FRMD4A: variants seen among roughly 807,000 people sequenced by gnomAD.
FRMD4A encodes the protein FERM domain-containing protein 4A.
Under a neutral mutation model 129.1 loss-of-function variants are expected in FRMD4A, and 29 were observed. The ratio of observed to expected loss-of-function variants is 0.22; its 90% CI spans 0.17 to 0.31. The LOEUF (loss-of-function observed/expected upper bound fraction) is 0.31, where lower values mean the gene tolerates loss of function less well. Among genes scored for constraint, FRMD4A ranks in the 10% least tolerant of loss-of-function variants. The pLI, the probability that FRMD4A is intolerant of heterozygous loss-of-function variation, is 1.00. For synonymous variants in FRMD4A, 634 were observed against 571.6 expected, an observed-to-expected ratio of 1.11 and a Z score of -1.56; for missense variants, 1,272 against 1,375.8, an observed-to-expected ratio of 0.92 and a Z score of 1.19.
Position 14,330,176 on chromosome 10 carries a change from A to C in FRMD4A, c.-74T>G. On this transcript the variant is annotated 5_prime_UTR_variant, in exon 2 of 25. Coordinates refer to ENST00000357447, the MANE Select transcript of FRMD4A (RefSeq NM_018027.5). ...GGCCCCGGGTGGCTACAGAGCATCC[A>C]AAAGCACCTGCAGAAAAAGCAGCCA... is the stretch of plus-strand genomic sequence containing the variant. 1 of 1,464,916 alleles carries C rather than the reference A, an allele frequency of 6.8e-7. No homozygotes were observed. The highest frequency in any genetic ancestry group is 9.3e-7 in the Non-Finnish European group (1 of 1,071,436). 90.7% of individuals were successfully genotyped at this position (1,464,916 alleles called of 1,614,324 possible).
chr10:13,911,974 C>T (rs2094945778), intron 2 of FRMD4A, among the ~76,000 whole-genome samples: 1 of 152,080 alleles, frequency 6.6e-6, no homozygotes, highest in African/African-American at 2.4e-5. Context: ...ACTGAAGCAC[C>T]CAAACAGAGA....
intron 2 of FRMD4A, among the ~76,000 whole-genome samples, chr10:14,227,070 C>T (rs542350466): frequency 2.2e-4 from 34 of 152,218 alleles, no homozygotes; most frequent in African/African-American, 8.2e-4. Context: ...ACGAGGGCTG[C>T]ACATGCCCGC....
intron 2 of FRMD4A, among the ~76,000 whole-genome samples, chr10:14,173,460 C>A (rs765715707): frequency 6.6e-6 from 1 of 152,174 alleles, no homozygotes; most frequent in Non-Finnish European, 1.5e-5. Flanking sequence ...GCTCTGAAAT[C>A]TTTTCTGCAG....
intron 2 of FRMD4A, among the ~76,000 whole-genome samples, chr10:14,044,529 A>G (rs1833908132): frequency 1.3e-5 from 2 of 152,344 alleles, no homozygotes; most frequent in Non-Finnish European, 2.9e-5. Context: ...GACACATAGA[A>G]AGAACACCAT....
intron 6 of FRMD4A, among the ~76,000 whole-genome samples, chr10:13,768,070 G>A (rs78530588): frequency 0.015 from 2,039 of 137,074 alleles, 80 homozygotes; most frequent in South Asian, 0.13. Context: ...AACCGTGACC[G>A]TCTGCAGGTA....
intron 8 of FRMD4A, among the ~76,000 whole-genome samples, chr10:13,751,398 C>T (rs2091617185): frequency 6.6e-6 from 1 of 152,196 alleles, no homozygotes; most frequent in South Asian, 2.1e-4. Flanking sequence ...TTCATCCTTC[C>T]CCGAGGACAA....
At chr10:13,728,864 G>T (rs977735568) in intron 12 of FRMD4A, among the ~76,000 whole-genome samples, 1 of 152,172 alleles carries the variant, frequency 6.6e-6, no homozygotes, top group Admixed American at 6.5e-5. Context: ...GAGCCACCGT[G>T]CCCAGCCGAT....
chr10:13,660,151 G>A (rs1227329389), intron 20 of FRMD4A, among the ~76,000 whole-genome samples, 165 bp downstream of exon 20: 3 of 152,198 alleles, frequency 2.0e-5, no homozygotes, highest in East Asian at 1.9e-4. Context: ...CAACAGTGTC[G>A]GCAGCAGAGG....
chr10:13,857,640 C>T (rs752210320), intron 3 of FRMD4A, among the ~76,000 whole-genome samples: 3 of 152,182 alleles, frequency 2.0e-5, no homozygotes, highest in African/African-American at 4.8e-5. Flanking sequence ...TGTCTGCATG[C>T]GAGTTTCCCC....
intron 2 of FRMD4A, among the ~76,000 whole-genome samples, chr10:14,203,231 T>C (rs944588121): frequency 6.6e-6 from 1 of 152,214 alleles, no homozygotes; most frequent in African/African-American, 2.4e-5. Context: ...CATATATAGA[T>C]TTTTTAAATA....
chr10:13,964,294 A>T (rs895672467), intron 2 of FRMD4A, among the ~76,000 whole-genome samples: 2 of 152,180 alleles, frequency 1.3e-5, no homozygotes, highest in Admixed American at 6.5e-5. Flanking sequence ...ACAAACGAAC[A>T]ACATCTAACT....
At chr10:13,735,971 T>C (rs955054670) in intron 12 of FRMD4A, among the ~76,000 whole-genome samples, 1 of 152,046 alleles carries the variant, frequency 6.6e-6, no homozygotes, top group Admixed American at 6.6e-5. Flanking sequence ...CTGGCCCACA[T>C]GGTGAAACCC....
intron 2 of FRMD4A, among the ~76,000 whole-genome samples, chr10:14,257,191 C>T (rs184045413): frequency 3.5e-4 from 54 of 152,154 alleles, no homozygotes; most frequent in East Asian, 2.3e-3. Flanking sequence ...ATTAGCTGGG[C>T]GTGGTGGCCA....
intron 2 of FRMD4A, among the ~76,000 whole-genome samples, chr10:13,895,363 G>T (rs144995143): frequency 1.1e-4 from 17 of 152,228 alleles, no homozygotes; most frequent in Admixed American, 2.6e-4. Flanking sequence ...ATGTTAGTTT[G>T]CTAAGGATAA....
chr10:13,707,550 T>C (rs2087591025), intron 12 of FRMD4A: 1 of 999,260 alleles, frequency 1.0e-6, no homozygotes, highest in Non-Finnish European at 1.2e-6. Context: ...GGTAGCCATC[T>C]GCGTGGAGTG....
chr10:14,261,875 G>T (rs76239259), intron 2 of FRMD4A, among the ~76,000 whole-genome samples: 1 of 150,152 alleles, frequency 6.7e-6, no homozygotes, highest in Non-Finnish European at 1.5e-5. Flanking sequence ...TGTCTAAAAC[G>T]TAATAACTTA....
chr10:14,168,980 A>G (rs1841333935), intron 2 of FRMD4A, among the ~76,000 whole-genome samples: 2 of 152,134 alleles, frequency 1.3e-5, no homozygotes, highest in Admixed American at 1.3e-4. Flanking sequence ...GTTCTGAAAA[A>G]GAATAAAGTT....
intron 2 of FRMD4A, among the ~76,000 whole-genome samples, chr10:13,882,267 C>A (rs2094556097): frequency 6.6e-6 from 1 of 151,948 alleles, no homozygotes; most frequent in Non-Finnish European, 1.5e-5. Flanking sequence ...CAGCACCTCA[C>A]CCTAAAAGAA....
At chr10:13,991,609 C>T (rs535134041) in intron 2 of FRMD4A, among the ~76,000 whole-genome samples, 2 of 152,328 alleles carry the variant, frequency 1.3e-5, no homozygotes, top group African/African-American at 4.8e-5. Context: ...GCTCAGAGCA[C>T]AATGTTCCCA....
Sources: gnomAD v4.1 joint callset for allele counts (sites outside exome capture counted in the v4.1 genomes callset) on GRCh38, gnomAD v4.1.1 for gene constraint, MANE v1.5 for transcripts, NCBI Gene and HGNC (gene_info 2026-07-23, HGNC 2026-07-21) for gene names.